The following CCM2 variants were observed in gnomAD, a reference collection of about 807,000 sequenced individuals.
CCM2 encodes the protein cerebral cavernous malformations 2 protein.
A neutral mutation model predicts 44.9 loss-of-function variants in CCM2; 25 were observed. The ratio of observed to expected loss-of-function variants is 0.56; its 90% CI spans 0.41 to 0.78. CCM2 has a LOEUF of 0.78. CCM2 is among the 30% of genes least tolerant of loss of function. CCM2 has a pLI of 0.00. For missense variants in CCM2, 481 were observed against 580.6 expected, an observed-to-expected ratio of 0.83 and a Z score of 1.76; for synonymous variants, 219 against 241.1, an observed-to-expected ratio of 0.91 and a Z score of 0.85.
intron 1 of CCM2, among the ~76,000 whole-genome samples, chr7:45,024,374 C>T (rs1008418165): frequency 9.2e-5 from 14 of 152,310 alleles, no homozygotes; most frequent in Middle Eastern, 3.4e-3. Context: ...ATGTTTTTAT[C>T]GTCAAGAACT....
At chr7:45,070,063 C>T (rs1208507300) in intron 6 of CCM2, 102 bp downstream of exon 6, 2 of 1,458,878 alleles carry the variant, frequency 1.4e-6, no homozygotes, top group East Asian at 4.6e-5. Context: ...AGCGCAGTTA[C>T]TGCCGTGACA....
intron 6 of CCM2, chr7:45,070,293 C>A (rs1799001447): frequency 4.7e-5 from 18 of 381,296 alleles, no homozygotes; most frequent in South Asian, 3.7e-4. Context: ...AGCACTGGGG[C>A]CTGTGATGGA....
At chr7:45,030,167 C>T (rs1182029272) in intron 1 of CCM2, among the ~76,000 whole-genome samples, 1 of 152,162 alleles carries the variant, frequency 6.6e-6, no homozygotes, top group Non-Finnish European at 1.5e-5. Flanking sequence ...GGACTCCACT[C>T]ATGGAAGAGA....
intron 2 of CCM2, among the ~76,000 whole-genome samples, chr7:45,049,558 A>G (rs1797907602): frequency 6.6e-6 from 1 of 152,226 alleles, no homozygotes; most frequent in South Asian, 2.1e-4. Flanking sequence ...TAATGGTTGC[A>G]TGATATTCCA....
chr7:45,010,602 TA>T (rs1421255229), intron 1 of CCM2, among the ~76,000 whole-genome samples: 3 of 152,102 alleles, frequency 2.0e-5, no homozygotes, highest in African/African-American at 4.8e-5. Flanking sequence ...TGTATATATA[TA>T]TATATTTTTT....
chr7:45,007,331 T>C (rs1165628102), intron 1 of CCM2, among the ~76,000 whole-genome samples: 1 of 152,222 alleles, frequency 6.6e-6, no homozygotes, highest in East Asian at 1.9e-4. Context: ...CATGCATCGC[T>C]GTGTCCTTGT....
Position 45,064,605 on chromosome 7 carries a change from A to G in CCM2, c.431A>G (p.Tyr144Cys), listed in dbSNP as rs750791330. ...VPIHDIAAVSYVRDDAAHLVV... is the reference protein window; with the variant it reads ...VPIHDIAAVSCVRDDAAHLVV... ...ATCCATGACATCGCCGCCGTCTCCT[A>G]TGTTCGGGATGACGCTGCACACCTG... Residue 144 changes from tyrosine (Y) to cysteine (C), a missense_variant, in exon 4 of 10, where the codon TAT (tyrosine) becomes TGT (cysteine). Physicochemically the swap from Tyr to Cys is radical, Grantham distance 194. Transcript: ENST00000258781. 5 of 1,613,870 alleles carry G rather than the reference A, an allele frequency of 3.1e-6. No homozygotes were observed. The highest frequency in any genetic ancestry group is 2.7e-5 in the African/African-American group (2 of 74,912).
intron 2 of CCM2, among the ~76,000 whole-genome samples, chr7:45,055,087 A>C (rs1798196153): frequency 6.6e-6 from 1 of 152,224 alleles, no homozygotes; most frequent in Admixed American, 6.5e-5. Flanking sequence ...TGTGAGCCTG[A>C]GTTTTTGAAG....
At chr7:45,028,819 C>T (rs565295021) in intron 1 of CCM2, among the ~76,000 whole-genome samples, 100 of 151,986 alleles carry the variant, frequency 6.6e-4, no homozygotes, top group African/African-American at 2.2e-3. Context: ...TGTCAACTGA[C>T]ACTGCAGGGA....
intron 1 of CCM2, among the ~76,000 whole-genome samples, chr7:45,004,158 G>A (rs1290787853): frequency 7.9e-5 from 12 of 152,060 alleles, no homozygotes; most frequent in Admixed American, 3.3e-4. Context: ...GTGACAGCAA[G>A]ACCCTGTCTC....
At chr7:45,056,444 C>T (rs1159082864) in intron 2 of CCM2, among the ~76,000 whole-genome samples, 2 of 152,150 alleles carry the variant, frequency 1.3e-5, no homozygotes, top group East Asian at 3.8e-4. Flanking sequence ...CAATTGAGCT[C>T]AGGAGTTCAA....
At chr7:45,002,173 C>T (rs148882508) in intron 1 of CCM2, among the ~76,000 whole-genome samples, 170 of 152,358 alleles carry the variant, frequency 1.1e-3, no homozygotes, top group African/African-American at 3.8e-3. Context: ...AATTGCATTG[C>T]TCTAAACTTA....
chr7:45,018,223 A>C (rs1583856884), intron 1 of CCM2, among the ~76,000 whole-genome samples: 1 of 151,744 alleles, frequency 6.6e-6, no homozygotes, highest in Non-Finnish European at 1.5e-5. Flanking sequence ...CCCTCCACTC[A>C]CCTCCTGCTG....
At chr7:45,044,621 G>T (rs1797667821) in intron 2 of CCM2, among the ~76,000 whole-genome samples, 1 of 152,182 alleles carries the variant, frequency 6.6e-6, no homozygotes, top group South Asian at 2.1e-4. Flanking sequence ...TGACTGGGCT[G>T]TCTTTTTATG....
In CCM2 at chr7:45,068,491, C is replaced by G. The variant is rs1264400116; in HGVS notation, c.521C>G (p.Ser174Cys). Reference sequence around the variant, plus strand: ...AGCCAGAGTCTGTGTGCGGAAAGTTCCAGAGGCCTCAGTGCAGGCTCCCTG... The same window carrying G: ...AGCCAGAGTCTGTGTGCGGAAAGTTGCAGAGGCCTCAGTGCAGGCTCCCTG... ...SPSQSLCAES[S>C]RGLSAGSLSE... is the part of the protein sequence containing the mutation. The change falls in exon 5 of 10, where the codon TCC (serine) becomes TGC (cysteine). Residue 174 changes from serine (S) to cysteine (C), a missense_variant. Transcript: ENST00000258781. The G allele has an allele frequency of 6.2e-7, 1 of 1,614,206 alleles. No homozygotes were observed. The highest frequency in any genetic ancestry group is 1.1e-5 in the South Asian group (1 of 91,086).
chr7:45,019,357 G>A (rs931594745), intron 1 of CCM2, among the ~76,000 whole-genome samples: 3 of 151,848 alleles, frequency 2.0e-5, no homozygotes, highest in South Asian at 2.1e-4. Context: ...ATGAGCCACC[G>A]CACCTGGCTG....
chr7:45,012,878 G>A (rs1007833301), intron 1 of CCM2, among the ~76,000 whole-genome samples: 7 of 152,086 alleles, frequency 4.6e-5, no homozygotes, highest in Non-Finnish European at 7.4e-5. Flanking sequence ...TGTTTGCATG[G>A]TGTGTGTCTT....
chr7:45,072,576 C>G (rs1459121429), intron 6 of CCM2, 150 bp from the exon 7 acceptor site: 5 of 710,416 alleles, frequency 7.0e-6, no homozygotes, highest in Non-Finnish European at 1.0e-5. Flanking sequence ...ACAGCACATT[C>G]CAGAGTGCGG....
intron 2 of CCM2, among the ~76,000 whole-genome samples, chr7:45,043,404 G>A (rs1797603701): frequency 6.6e-6 from 1 of 152,084 alleles, no homozygotes; most frequent in Admixed American, 6.6e-5. Flanking sequence ...AACATATTCA[G>A]CAATATAGAA....
Sources: gnomAD v4.1 joint callset for allele counts (sites outside exome capture counted in the v4.1 genomes callset) on GRCh38, gnomAD v4.1.1 for gene constraint, MANE v1.5 for transcripts, NCBI Gene and HGNC (gene_info 2026-07-23, HGNC 2026-07-21) for gene names.